TRIM67: variants seen among roughly 807,000 people sequenced by gnomAD.
The protein encoded by TRIM67 is tripartite motif containing 67.
TRIM67 carries 39 observed loss-of-function variants against 71.0 expected under a neutral mutation model. The ratio of observed to expected loss-of-function variants is 0.55; its 90% CI spans 0.43 to 0.72. The LOEUF (loss-of-function observed/expected upper bound fraction) is 0.72, where lower values mean the gene tolerates loss of function less well. Among genes scored for constraint, TRIM67 ranks in the 30% least tolerant of loss-of-function variants. The pLI is 0.00. For missense variants in TRIM67, 973 were observed against 1,079.2 expected (o/e 0.90, Z 1.38); for synonymous variants, 481 against 473.9 (o/e 1.01, Z -0.19).
intron 1 of TRIM67, chr1:231,186,204 G>C: frequency 6.6e-7 from 1 of 1,505,380 alleles, no homozygotes. Context: ...GAACTCTTGA[G>C]CCCAAAGGGC....
Position 231,162,657 on chromosome 1 carries a change from C to A in TRIM67, c.-313C>A, listed in dbSNP as rs997365221. On this transcript the variant is annotated 5_prime_UTR_variant, in exon 1 of 10. Transcript: ENST00000366653. ...CGGCGGCGCTGGTGCTGATTCATCA[C>A]CTAAAGCTCCTCGCAGGCCACCGCG... is the stretch of plus-strand genomic sequence containing the variant. 4 of 361,888 alleles carry A rather than the reference C, an allele frequency of 1.1e-5. No individual in the cohort carries two copies. The highest frequency in any genetic ancestry group is 6.6e-5 in the African/African-American group (3 of 45,632). The allele number at this position is 361,888 out of a possible 1,614,324, so 22.4% of individuals were successfully genotyped here.
chr1:231,205,172 A>G (rs1322948990), intron 6 of TRIM67, among the ~76,000 whole-genome samples: 2 of 152,174 alleles, frequency 1.3e-5, no homozygotes, highest in Non-Finnish European at 2.9e-5. Context: ...TCTTTGAGAC[A>G]TGGCCACTAA....
At chr1:231,197,591 C>A in intron 2 of TRIM67, 125 bp downstream of exon 2, 1 of 762,044 alleles carries the variant, frequency 1.3e-6, no homozygotes, top group Non-Finnish European at 2.1e-6. Context: ...TTTGGGAGGC[C>A]GAGGCGGGCA....
chr1:231,169,489 C>G (rs1387636482), intron 1 of TRIM67, among the ~76,000 whole-genome samples: 1 of 143,580 alleles, frequency 7.0e-6, no homozygotes, highest in Non-Finnish European at 1.5e-5. Context: ...AAGTGATTCT[C>G]CTGCCTCAGC....
chr1:231,202,122 G>GAGGAGGAGGAGGAGGTGGAAA, intron 5 of TRIM67, among the ~76,000 whole-genome samples: 1 of 139,990 alleles, frequency 7.1e-6, no homozygotes. Context: ...GGTAATGGTG[G>GAGGAGGAGGAGGAGGTGGAAA]AGGAGGAGAT....
intron 1 of TRIM67, among the ~76,000 whole-genome samples, chr1:231,191,168 A>G (rs1254856255): frequency 1.3e-5 from 2 of 152,180 alleles, no homozygotes; most frequent in Non-Finnish European, 2.9e-5. Flanking sequence ...AGCTCAAGCA[A>G]TCCTTCCACC....
At chr1:231,193,268 T>C (rs775128790) in intron 1 of TRIM67, among the ~76,000 whole-genome samples, 2 of 152,176 alleles carry the variant, frequency 1.3e-5, no homozygotes, top group South Asian at 2.1e-4. Flanking sequence ...GGGATAGAAA[T>C]GTAGAGACAA....
intron 1 of TRIM67, among the ~76,000 whole-genome samples, chr1:231,181,446 T>G (rs1682904725): frequency 6.6e-6 from 1 of 152,242 alleles, no homozygotes; most frequent in Non-Finnish European, 1.5e-5. Context: ...CGTTTGTGGT[T>G]GGAAGCTTCC....
intron 1 of TRIM67, among the ~76,000 whole-genome samples, chr1:231,171,752 GAGA>G (rs1319590996): frequency 6.6e-6 from 1 of 152,250 alleles, no homozygotes; most frequent in East Asian, 1.9e-4. Flanking sequence ...GAGGAAACTT[GAGA>G]AGAAGGGGTT....
At chr1:231,205,655 G>A (rs978683090) in intron 6 of TRIM67, among the ~76,000 whole-genome samples, 4 of 151,332 alleles carry the variant, frequency 2.6e-5, no homozygotes, top group African/African-American at 9.8e-5. Flanking sequence ...GAACTTGGAA[G>A]GCAAAGATTG....
intron 1 of TRIM67, among the ~76,000 whole-genome samples, chr1:231,170,595 G>A (rs1364702186): frequency 1.3e-5 from 2 of 152,180 alleles, no homozygotes; most frequent in African/African-American, 4.8e-5. Flanking sequence ...CATGGTGATG[G>A]AGCTTACATG....
intron 7 of TRIM67, among the ~76,000 whole-genome samples, chr1:231,207,965 C>T (rs1458675518): frequency 6.6e-6 from 1 of 151,718 alleles, no homozygotes; most frequent in Non-Finnish European, 1.5e-5. Flanking sequence ...TGTCTCAAAT[C>T]TCCCACCCAT....
chr1:231,210,947 C>T (rs1466991615), intron 8 of TRIM67, among the ~76,000 whole-genome samples: 3 of 142,508 alleles, frequency 2.1e-5, no homozygotes, highest in African/African-American at 8.3e-5. Flanking sequence ...CTTGGGAGGC[C>T]GAGGCAGGAG....
At chr1:231,212,167 A>G (rs1055347852) in intron 8 of TRIM67, among the ~76,000 whole-genome samples, 1 of 152,246 alleles carries the variant, frequency 6.6e-6, no homozygotes, top group Non-Finnish European at 1.5e-5. Context: ...AATCAAAAGA[A>G]GCAAAATAGT....
In TRIM67 at chr1:231,217,915, A is replaced by T; in HGVS notation, c.*2475A>T. ...CCCTGAAGTCCAGAGAGGTGCAGCC[A>T]GGACTCCCTCCTCCCCACTGCCACC... On this transcript the variant is annotated 3_prime_UTR_variant, in exon 10 of 10. Transcript: ENST00000366653. 2 of 1,286,156 alleles carry T rather than the reference A, an allele frequency of 1.6e-6. No homozygotes were observed. Among genetic ancestry groups the T allele is most frequent in the Admixed American group, 4.6e-5 (2 of 43,322 alleles). 79.7% of individuals were successfully genotyped at this position (1,286,156 alleles called of 1,614,324 possible).
At position 231,199,184 on chromosome 1, in the gene TRIM67, G is replaced by T. The variant is rs777544104; in HGVS notation, c.1263+15G>T. 1.2e-6 allele frequency: 2 copies of T among 1,613,380 alleles called. No homozygotes were observed. Among genetic ancestry groups the T allele is most frequent in the Non-Finnish European group, 1.7e-6 (2 of 1,179,516 alleles). ...ACAAGTTGAAGGTAGGTACCTGGGG[G>T]ACTGACACATTGAATCCCTGCCACA... On this transcript the variant is annotated intron_variant, in intron 3 of 9. Transcript: ENST00000366653.
chr1:231,213,696 A>T, intron 8 of TRIM67, 119 bp from the exon 9 acceptor site: 1 of 1,271,394 alleles, frequency 7.9e-7, no homozygotes, highest in Admixed American at 2.5e-5. Flanking sequence ...GCGTCACTGC[A>T]CTCCAGCCTG....
intron 1 of TRIM67, among the ~76,000 whole-genome samples, chr1:231,187,214 G>T (rs764704222): frequency 6.6e-6 from 1 of 152,134 alleles, no homozygotes; most frequent in Non-Finnish European, 1.5e-5. Context: ...GAAAGAAGAT[G>T]CAGGGAAAAG....
intron 1 of TRIM67, among the ~76,000 whole-genome samples, chr1:231,172,145 A>G (rs1446888897): frequency 3.3e-5 from 5 of 152,230 alleles, no homozygotes; most frequent in Non-Finnish European, 5.9e-5. Context: ...TCCTCACTGT[A>G]CATTTTGAAT....
Sources: gnomAD v4.1 joint callset for allele counts (sites outside exome capture counted in the v4.1 genomes callset) on GRCh38, gnomAD v4.1.1 for gene constraint, MANE v1.5 for transcripts, NCBI Gene and HGNC (gene_info 2026-07-23, HGNC 2026-07-21) for gene names.